The following SMARCA2 variants were observed in gnomAD, a reference collection of about 807,000 sequenced individuals.
SMARCA2 encodes SWI/SNF related BAF chromatin remodeling complex subunit ATPase 2.
A neutral mutation model predicts 199.8 loss-of-function variants in SMARCA2; 61 were observed. The ratio of observed to expected loss-of-function variants is 0.31; its 90% confidence interval spans 0.25 to 0.38. SMARCA2 has a LOEUF of 0.38. SMARCA2 is among the 10% of genes least tolerant of loss of function. The probability of loss-of-function intolerance (pLI) is 1.00; values close to 1 mark genes in which losing one functional copy is unlikely to be tolerated. For missense variants in SMARCA2, 1,344 were observed against 2,012.2 expected (o/e 0.67, Z 6.35); for synonymous variants, 935 against 732.0 (o/e 1.28, Z -4.48).
At chr9:2,164,025 A>G (rs7846785) in intron 28 of SMARCA2, among the ~76,000 whole-genome samples, 147,021 of 152,296 alleles carry the variant, frequency 0.97, 71,024 homozygotes, top group East Asian at 1. Context: ...CCCTAAGGTA[A>G]CAATCAGTAG....
chr9:2,153,336 A>G (rs1246482781), intron 27 of SMARCA2, among the ~76,000 whole-genome samples: 1 of 152,172 alleles, frequency 6.6e-6, no homozygotes, highest in African/African-American at 2.4e-5. Flanking sequence ...CAGGAGTTCA[A>G]GACAAGTGTA....
intron 9 of SMARCA2, among the ~76,000 whole-genome samples, chr9:2,066,143 C>T (rs1256897329): frequency 6.6e-6 from 1 of 152,172 alleles, no homozygotes; most frequent in African/African-American, 2.4e-5. Flanking sequence ...AGAATGGATA[C>T]TTCAGATACC....
chr9:2,033,213 T>C (rs901510718), intron 3 of SMARCA2, 132 bp downstream of exon 3: 7 of 959,920 alleles, frequency 7.3e-6, no homozygotes, highest in African/African-American at 5.0e-5. Flanking sequence ...CTTTTCCTTA[T>C]GGAAATCTAC....
chr9:2,047,310 C>T lies in SMARCA2; in HGVS notation c.872C>T (p.Pro291Leu), dbSNP rs1218396728. ...CCCGGCGGCCGGCCCTCGCCCGCGC[C>T]CCCCGCAGCCGCGCAGCCGCCCGCG... ...PAPGGRPSPA[P>L]PAAAQPPAAA... Residue 291 changes from proline to leucine, a missense_variant, in exon 5 of 34, where the codon CCC becomes CTC. This residue lies in a region of SMARCA2 where 117 missense variants were observed against 99.1 expected (regional missense o/e 1.18). Coordinates refer to ENST00000349721, the MANE Select transcript of SMARCA2 (RefSeq NM_003070.5). 7.9e-6 allele frequency: 8 copies of T among 1,013,498 alleles called. No homozygotes were observed. The highest frequency in any genetic ancestry group is 1.8e-5 in the African/African-American group (1 of 56,896). 62.8% of individuals were successfully genotyped at this position (1,013,498 alleles called of 1,614,324 possible).
rs1371922299 is a variant in SMARCA2 at position 2,161,982 on chromosome 9, A to C, written c.4199+79A>C. 2 of 1,145,346 alleles carry C rather than the reference A, an allele frequency of 1.7e-6. No homozygotes were observed. The highest frequency in any genetic ancestry group is 2.5e-6 in the Non-Finnish European group (2 of 791,692). 70.9% of individuals were successfully genotyped at this position (1,145,346 alleles called of 1,614,324 possible). A position where few individuals can be genotyped will look rare whatever the true frequency, so the allele number is the denominator to read the frequency against. ...GCTCCCTGAGGAGCAGGAGTTGTTA[A>C]GTTGTGCACTTAGGTTTTATTAAGG... On this transcript the variant is annotated intron_variant, in intron 28 of 33. Transcript: ENST00000349721. This position sits in a 1 kb window ranked among gnomAD's most constrained non-coding sequence, Gnocchi z 4.7.
intron 27 of SMARCA2, among the ~76,000 whole-genome samples, chr9:2,141,846 G>A (rs1354914397): frequency 6.6e-6 from 1 of 152,190 alleles, no homozygotes; most frequent in Non-Finnish European, 1.5e-5. Context: ...CCACTGAGCT[G>A]ATCTCCTGGC....
chr9:2,143,982 A>T (rs1824591900), intron 27 of SMARCA2, among the ~76,000 whole-genome samples: 1 of 152,214 alleles, frequency 6.6e-6, no homozygotes, highest in East Asian at 1.9e-4. Flanking sequence ...TAACAGGCAT[A>T]GCACGGGGAA....
intron 27 of SMARCA2, among the ~76,000 whole-genome samples, chr9:2,156,517 C>G (rs1825373555): frequency 6.8e-6 from 1 of 146,490 alleles, no homozygotes; most frequent in South Asian, 2.2e-4. Flanking sequence ...GCAACCTCAG[C>G]CTCCCGAGGT....
intron 23 of SMARCA2, among the ~76,000 whole-genome samples, chr9:2,106,422 A>G (rs954900730): frequency 6.6e-6 from 1 of 152,212 alleles, no homozygotes; most frequent in Non-Finnish European, 1.5e-5. Flanking sequence ...AGTCCTTACC[A>G]TTAGGTGGAA....
intron 1 of SMARCA2, among the ~76,000 whole-genome samples, chr9:2,021,347 T>G (rs541863133): frequency 7.4e-4 from 113 of 152,334 alleles, no homozygotes; most frequent in African/African-American, 2.7e-3. Flanking sequence ...TCAAAATTAC[T>G]TAAAAATGAT....
intron 27 of SMARCA2, chr9:2,157,565 T>G: frequency 4.1e-6 from 1 of 242,368 alleles, no homozygotes; most frequent in Non-Finnish European, 7.9e-6. Flanking sequence ...TACTGACTTT[T>G]CCCGTTGCAC....
In SMARCA2 at chr9:2,191,239, T is replaced by A. The variant is rs1295633142; in HGVS notation, c.4595-27T>A. The A allele has an allele frequency of 1.9e-6, 3 of 1,610,470 alleles. No homozygotes were observed. The African/African-American group carries it at 4.0e-5, about 22-fold the overall frequency. On this transcript the variant is annotated intron_variant, in intron 32 of 33. Coordinates refer to ENST00000349721, the MANE Select transcript of SMARCA2 (RefSeq NM_003070.5). Reference sequence around the variant, plus strand: ...AGATCTCCTTGTGATTACTCACTGGTGTCTATTTCATTTGCTTTGGTTTTA... The same window carrying A: ...AGATCTCCTTGTGATTACTCACTGGAGTCTATTTCATTTGCTTTGGTTTTA...
rs1274996634 is a variant in SMARCA2, at chr9:2,029,210, C to T, written c.188C>T (p.Thr63Ile). 1.9e-6 allele frequency: 3 copies of T among 1,612,906 alleles called. No individual in the cohort carries two copies. In the South Asian group the frequency reaches 3.3e-5, roughly 18 times the overall value. ...VSHPMPTMGS[T>I]DFPQEGMHQM... ...CATCCTATGCCGACGATGGGGTCCACAGACTTCCCACAGGAAGGCATGCAT... is the reference window on the plus strand; with the variant it reads ...CATCCTATGCCGACGATGGGGTCCATAGACTTCCCACAGGAAGGCATGCAT... Residue 63 changes from threonine to isoleucine, a missense_variant, in exon 2 of 34, where the codon ACA becomes ATA. Physicochemically the swap from Thr to Ile is moderately conservative, Grantham distance 89. Transcript: ENST00000349721.
chr9:2,042,317 T>C (rs560860937), intron 4 of SMARCA2: 6 of 152,190 alleles, frequency 3.9e-5, no homozygotes, highest in African/African-American at 1.4e-4. Flanking sequence ...TCCCAAAAGG[T>C]AGTAGTCTGG....
At chr9:2,089,618 T>C (rs1821963435) in intron 19 of SMARCA2, among the ~76,000 whole-genome samples, 1 of 152,234 alleles carries the variant, frequency 6.6e-6, no homozygotes, top group African/African-American at 2.4e-5. Context: ...TTTTATACCA[T>C]GCATATCTCA....
At chr9:2,172,144 T>C (rs2129746098) in intron 29 of SMARCA2, among the ~76,000 whole-genome samples, 1 of 152,244 alleles carries the variant, frequency 6.6e-6, no homozygotes, top group South Asian at 2.1e-4. Flanking sequence ...TGTTTGGAGA[T>C]TGTATTATGA....
chr9:2,082,738 G>T (rs1821622135), intron 15 of SMARCA2, among the ~76,000 whole-genome samples: 2 of 152,154 alleles, frequency 1.3e-5, no homozygotes, highest in African/African-American at 4.8e-5. Context: ...GTAAGAAGAA[G>T]GATTCTATTA....
chr9:2,109,177 T>A (rs183231023), intron 23 of SMARCA2, among the ~76,000 whole-genome samples: 3 of 152,342 alleles, frequency 2.0e-5, no homozygotes, highest in Non-Finnish European at 2.9e-5. Context: ...TTTTCATCCT[T>A]AAAAAATGAA....
At chr9:2,111,864 C>T (rs1823021460) in intron 24 of SMARCA2, among the ~76,000 whole-genome samples, 1 of 152,076 alleles carries the variant, frequency 6.6e-6, no homozygotes. Flanking sequence ...CAACTGTGGG[C>T]CCAAACCACC....
Sources: allele counts gnomAD v4.1 joint callset (sites outside exome capture counted in the v4.1 genomes callset), GRCh38; gene constraint gnomAD v4.1.1; regional missense constraint gnomAD v4.1.1; non-coding constraint Gnocchi (gnomAD v3.1); transcripts MANE v1.5; gene names NCBI Gene and HGNC (gene_info 2026-07-23, HGNC 2026-07-21).